XKR4: variants seen among roughly 807,000 people sequenced by gnomAD.
XKR4 encodes the protein XK-related protein 4.
A neutral mutation model predicts 53.9 loss-of-function variants in XKR4; 12 were observed. The ratio of observed to expected loss-of-function variants is 0.22; its 90% CI spans 0.14 to 0.36. The LOEUF is 0.36. Ranked by LOEUF, XKR4 falls within the 10% of genes least tolerant of loss-of-function variation. The pLI is 1.00. For missense variants in XKR4, 799 were observed against 859.5 expected, an observed-to-expected ratio of 0.93 and a Z score of 0.88; for synonymous variants, 354 against 362.4, an observed-to-expected ratio of 0.98 and a Z score of 0.26.
chr8:55,366,334 C>G (rs556536463), intron 2 of XKR4, among the ~76,000 whole-genome samples: 6 of 152,182 alleles, frequency 3.9e-5, no homozygotes, highest in Non-Finnish European at 8.8e-5. Context: ...AACTTGATAA[C>G]GAAGCTTGTT....
At chr8:55,514,190 G>C (rs913848748) in intron 2 of XKR4, among the ~76,000 whole-genome samples, 3 of 150,768 alleles carry the variant, frequency 2.0e-5, no homozygotes, top group African/African-American at 7.3e-5. Context: ...AGTGCTGTGA[G>C]AAATAAATGA....
chr8:55,338,326 C>T (rs1350368853), intron 1 of XKR4, among the ~76,000 whole-genome samples: 1 of 152,172 alleles, frequency 6.6e-6, no homozygotes, highest in South Asian at 2.1e-4. Context: ...CCCTCCAAAG[C>T]CCAGCCTGTG....
In XKR4 at chr8:55,102,970, T is replaced by G; in HGVS notation, c.482T>G (p.Val161Gly). ...FVVLGSLSVQ[V>G]FSFRWFVHDF... ...GTGCTCGGCTCTCTGTCGGTGCAAG[T>G]GTTCAGCTTCCGCTGGTTTGTGCAC... Residue 161 changes from valine (V) to glycine (G), a missense_variant, in exon 1 of 3, where the codon GTG becomes GGG. Val to Gly is a moderately radical substitution (Grantham distance 109). Coordinates refer to ENST00000327381, the MANE Select transcript of XKR4 (RefSeq NM_052898.2). The surrounding 1 kb of genome is among the most constrained non-coding windows in gnomAD (Gnocchi z 5.1). 2 of 1,611,722 alleles carry G rather than the reference T, an allele frequency of 1.2e-6. No individual in the cohort carries two copies. The highest frequency in any genetic ancestry group is 2.2e-5 in the South Asian group (2 of 91,064).
chr8:55,240,196 A>G (rs1818190360), intron 1 of XKR4, among the ~76,000 whole-genome samples: 1 of 152,186 alleles, frequency 6.6e-6, no homozygotes, highest in Non-Finnish European at 1.5e-5. Context: ...GAATTCTCAC[A>G]AGCCAGCCAA....
chr8:55,317,816 G>A (rs1032439077), intron 1 of XKR4, among the ~76,000 whole-genome samples: 1 of 152,186 alleles, frequency 6.6e-6, no homozygotes, highest in African/African-American at 2.4e-5. Flanking sequence ...TTGGCATAGG[G>A]GTCCTCATGA....
intron 1 of XKR4, chr8:55,161,530 A>G: frequency 2.2e-6 from 1 of 456,154 alleles, no homozygotes; most frequent in Admixed American, 2.3e-5. Context: ...CAGGATGAGC[A>G]GCGCTCAAAA....
At chr8:55,259,844 C>T (rs753695323) in intron 1 of XKR4, among the ~76,000 whole-genome samples, 5 of 152,102 alleles carry the variant, frequency 3.3e-5, no homozygotes, top group Non-Finnish European at 5.9e-5. Flanking sequence ...TTCCTTCTGG[C>T]CTTTATTCAA....
chr8:55,215,976 C>G (rs1009947206), intron 1 of XKR4, among the ~76,000 whole-genome samples: 4 of 152,184 alleles, frequency 2.6e-5, no homozygotes, highest in African/African-American at 9.7e-5. Flanking sequence ...GCCCTCTCCC[C>G]ACAAAAACAT....
chr8:55,192,709 T>C (rs1817459822), intron 1 of XKR4, among the ~76,000 whole-genome samples: 2 of 152,168 alleles, frequency 1.3e-5, no homozygotes, highest in African/African-American at 4.8e-5. Flanking sequence ...CTGTCCATCT[T>C]TAATCTCGGG....
At chr8:55,346,722 T>TGTGTGC (rs1176163520) in intron 1 of XKR4, among the ~76,000 whole-genome samples, 5 of 148,532 alleles carry the variant, frequency 3.4e-5, no homozygotes, top group Non-Finnish European at 6.0e-5. Context: ...TGTGTGTGTG[T>TGTGTGC]GTGTTTAGAA....
intron 1 of XKR4, among the ~76,000 whole-genome samples, chr8:55,122,925 G>C (rs1351575255): frequency 6.6e-6 from 1 of 152,110 alleles, no homozygotes; most frequent in Non-Finnish European, 1.5e-5. Flanking sequence ...GGGTGAAGAC[G>C]GAATGGCAGG....
At chr8:55,434,625 T>TA (rs1805148842) in intron 2 of XKR4, among the ~76,000 whole-genome samples, 1 of 152,214 alleles carries the variant, frequency 6.6e-6, no homozygotes, top group Non-Finnish European at 1.5e-5. Context: ...CATTATTATT[T>TA]ATCATACAAT....
intron 1 of XKR4, among the ~76,000 whole-genome samples, chr8:55,248,480 A>G (rs904609760): frequency 1.4e-4 from 21 of 152,174 alleles, no homozygotes; most frequent in African/African-American, 4.8e-4. Flanking sequence ...TTGTACCTCC[A>G]TGTTTCTCAG....
intron 1 of XKR4, among the ~76,000 whole-genome samples, chr8:55,211,062 T>C (rs1817723953): frequency 6.6e-6 from 1 of 152,212 alleles, no homozygotes; most frequent in Non-Finnish European, 1.5e-5. Flanking sequence ...CATGTTCCCT[T>C]ATCTGTGCCT....
chr8:55,268,125 C>T (rs190246360), intron 1 of XKR4, among the ~76,000 whole-genome samples: 14 of 152,184 alleles, frequency 9.2e-5, no homozygotes, highest in African/African-American at 3.1e-4. Flanking sequence ...AAGACATTGT[C>T]GGAACAGCAC....
rs963606283 is a variant in XKR4 at position 55,509,424 on chromosome 8, C to T, written c.1007-13857C>T. On this transcript the variant is annotated intron_variant, in intron 2 of 2. Transcript: ENST00000327381. ...GGTTCTGTCAGTAAATTTCTATAAT[C>T]AGCCCAAACATGCAATGATTTAGGT... 2.0e-5 allele frequency among the ~76,000 whole-genome samples: 3 copies of T among 152,264 alleles called. No individual in the cohort carries two copies. The South Asian group carries it at 6.2e-4, about 32-fold the overall frequency.
intron 1 of XKR4, among the ~76,000 whole-genome samples, chr8:55,286,447 G>A (rs906619331): frequency 2.0e-5 from 3 of 152,204 alleles, no homozygotes; most frequent in Non-Finnish European, 4.4e-5. Context: ...CCAAGGGGCA[G>A]CCTCTTTGGT....
At chr8:55,500,181 CAAAAAAAAAAAA>C (rs36233927) in intron 2 of XKR4, among the ~76,000 whole-genome samples, 5 of 115,598 alleles carry the variant, frequency 4.3e-5, no homozygotes, top group Admixed American at 8.6e-5. Context: ...CAAATTGGGC[CAAAAAAAAAAAA>C]AAAAAAAAAA....
At chr8:55,146,795 C>A (rs1314578315) in intron 1 of XKR4, among the ~76,000 whole-genome samples, 2 of 152,160 alleles carry the variant, frequency 1.3e-5, no homozygotes, top group Non-Finnish European at 2.9e-5. Flanking sequence ...AGGGTGTGGG[C>A]AGTGCAAATG....
Sources: allele counts gnomAD v4.1 joint callset (sites outside exome capture counted in the v4.1 genomes callset), GRCh38; gene constraint gnomAD v4.1.1; non-coding constraint Gnocchi (gnomAD v3.1); transcripts MANE v1.5; gene names NCBI Gene and HGNC (gene_info 2026-07-23, HGNC 2026-07-21).